Variants in TRIM2 observed in about 807,000 individuals in gnomAD.
TRIM2 encodes tripartite motif-containing protein 2.
In TRIM2, 20 loss-of-function variants were observed where a neutral mutation model predicts 75.2. The observed-to-expected ratio is 0.27, with a 90% CI of 0.19 to 0.39. The LOEUF (loss-of-function observed/expected upper bound fraction) is 0.39. Among genes scored for constraint, TRIM2 ranks in the 10% least tolerant of loss-of-function variants. The pLI is 1.00. For synonymous variants in TRIM2, 373 were observed against 388.3 expected (o/e 0.96, Z 0.46); for missense variants, 660 against 990.8 (o/e 0.67, Z 4.48).
In TRIM2 at chr4:153,217,317, T is replaced by C. The variant is rs78812587; in HGVS notation, c.30+12757T>C. ...TGCTGTCACTGAAATACAAAGTATA[T>C]GGGATTCAGAGAAAGAGGTCATTCT... On this transcript the variant is annotated intron_variant, in intron 1 of 11. Coordinates refer to ENST00000338700, the MANE Select transcript of TRIM2 (RefSeq NM_015271.5). Among the ~76,000 whole-genome samples the C allele has an allele frequency of 5.2e-4, 79 of 152,236 alleles. 3 individuals carry two copies. The East Asian group carries it at 0.013, about 25-fold the overall frequency.
intron 1 of TRIM2, among the ~76,000 whole-genome samples, chr4:153,169,541 C>G (rs1730637684): frequency 6.6e-6 from 1 of 151,888 alleles, no homozygotes; most frequent in Non-Finnish European, 1.5e-5. Context: ...ATTTTTTTGA[C>G]CTATCATTTT....
intron 3 of TRIM2, among the ~76,000 whole-genome samples, chr4:153,283,761 C>G (rs1242200030): frequency 1.3e-5 from 2 of 151,554 alleles, no homozygotes; most frequent in Non-Finnish European, 2.9e-5. Flanking sequence ...CTCAGCCTCC[C>G]AAGTAGCTGG....
At chr4:153,222,046 A>AGGG (rs1560836427) in intron 1 of TRIM2, among the ~76,000 whole-genome samples, 22 of 35,172 alleles carry the variant, frequency 6.3e-4, no homozygotes, top group South Asian at 1.8e-3. Flanking sequence ...AAGAGCGAGG[A>AGGG]AGGGAGGGAG....
intron 1 of TRIM2, among the ~76,000 whole-genome samples, chr4:153,175,485 C>G (rs952662844): frequency 1.3e-5 from 2 of 151,482 alleles, no homozygotes; most frequent in African/African-American, 4.9e-5. Context: ...TGGGAAACAG[C>G]GGGGGGAGGG....
At chr4:153,157,777 C>T (rs560451091) in intron 1 of TRIM2, among the ~76,000 whole-genome samples, 8 of 152,326 alleles carry the variant, frequency 5.3e-5, no homozygotes, top group South Asian at 4.1e-4. Flanking sequence ...TGCCTTGCTT[C>T]GAGCCACTAA....
At chr4:153,311,332 A>ATT (rs1181443998) in intron 6 of TRIM2, among the ~76,000 whole-genome samples, 6 of 151,224 alleles carry the variant, frequency 4.0e-5, no homozygotes, top group African/African-American at 1.5e-4. Context: ...CTAGTACTAA[A>ATT]GCACTATTTT....
Position 153,270,534 on chromosome 4 carries a change from T to C in TRIM2, c.215+15T>C, listed in dbSNP as rs1294208296. Reference sequence around the variant, plus strand: ...TTCTGCGAGAGGTAAGCCTCCTTTGTGCTTGGAGAAGGGAGTTTCGCAGGC... The same window carrying C: ...TTCTGCGAGAGGTAAGCCTCCTTTGCGCTTGGAGAAGGGAGTTTCGCAGGC... On this transcript the variant is annotated intron_variant, in intron 2 of 11. Transcript: ENST00000338700. 1 of 1,585,546 alleles carries C rather than the reference T, an allele frequency of 6.3e-7. No homozygotes were observed. Among genetic ancestry groups the C allele is most frequent in the Non-Finnish European group, 8.6e-7 (1 of 1,164,032 alleles).
intron 2 of TRIM2, 62 bp from the exon 3 acceptor site, chr4:153,275,831 G>A: frequency 6.9e-7 from 1 of 1,446,218 alleles, no homozygotes; most frequent in Non-Finnish European, 9.6e-7. Context: ...AACATGTATG[G>A]TACCTGTGAG....
chr4:153,301,156 A>G (rs1261834185), intron 6 of TRIM2, among the ~76,000 whole-genome samples: 1 of 151,356 alleles, frequency 6.6e-6, no homozygotes. Flanking sequence ...GCGCCACTAC[A>G]TTCCAGCCTG....
chr4:153,214,258 A>G (rs1225943886), intron 1 of TRIM2, among the ~76,000 whole-genome samples: 1 of 152,228 alleles, frequency 6.6e-6, no homozygotes. Context: ...TAAAAGTTAG[A>G]TAAGCCACTG....
chr4:153,191,481 C>A (rs1439161787), intron 1 of TRIM2, among the ~76,000 whole-genome samples: 1 of 152,204 alleles, frequency 6.6e-6, no homozygotes, highest in Non-Finnish European at 1.5e-5. Context: ...ATGAGGAACA[C>A]AGGTTACTTT....
At chr4:153,216,436 TC>T (rs1431741315) in intron 1 of TRIM2, among the ~76,000 whole-genome samples, 2 of 152,188 alleles carry the variant, frequency 1.3e-5, no homozygotes, top group East Asian at 1.9e-4. Context: ...ACTTCCTTAG[TC>T]CCTAGACTCC....
chr4:153,201,563 G>A (rs1437321130), upstream of TRIM2, among the ~76,000 whole-genome samples: 1 of 151,992 alleles, frequency 6.6e-6, no homozygotes, highest in African/African-American at 2.4e-5. Context: ...GTTATGTGCT[G>A]TGGTTTCTGA....
At chr4:153,235,786 A>T (rs1744875294) in intron 1 of TRIM2, among the ~76,000 whole-genome samples, 1 of 152,096 alleles carries the variant, frequency 6.6e-6, no homozygotes, top group Non-Finnish European at 1.5e-5. Flanking sequence ...TGATCAGATT[A>T]CCTTTTCCAC....
intron 3 of TRIM2, among the ~76,000 whole-genome samples, chr4:153,292,490 CTA>C (rs1207816155): frequency 6.6e-6 from 1 of 152,216 alleles, no homozygotes; most frequent in African/African-American, 2.4e-5. Flanking sequence ...CAGAGTCTCG[CTA>C]TGTTTCCCAG....
At chr4:153,198,254 C>T (rs1324037453) in intron 1 of TRIM2, among the ~76,000 whole-genome samples, 7 of 152,142 alleles carry the variant, frequency 4.6e-5, no homozygotes, top group African/African-American at 7.2e-5. Flanking sequence ...ACCCAAATCT[C>T]AACTTGAATT....
chr4:153,258,229 T>C (rs1358319807), intron 1 of TRIM2, among the ~76,000 whole-genome samples: 3 of 152,126 alleles, frequency 2.0e-5, no homozygotes, highest in Non-Finnish European at 2.9e-5. Flanking sequence ...TGGAAACCCA[T>C]TCATTCATAA....
intron 1 of TRIM2, among the ~76,000 whole-genome samples, chr4:153,181,919 A>G (rs1387980890): frequency 1.3e-5 from 2 of 152,156 alleles, no homozygotes; most frequent in African/African-American, 2.4e-5. Flanking sequence ...GGGCCTGGCA[A>G]TGGAACACTT....
chr4:153,175,012 GTT>G (rs759775802), intron 1 of TRIM2, among the ~76,000 whole-genome samples: 1 of 149,212 alleles, frequency 6.7e-6, no homozygotes, highest in Non-Finnish European at 1.5e-5. Flanking sequence ...TTTTTGTTTT[GTT>G]TTGTTTTTTT....
Sources: gnomAD v4.1 joint callset for allele counts (sites outside exome capture counted in the v4.1 genomes callset) on GRCh38, gnomAD v4.1.1 for gene constraint, MANE v1.5 for transcripts, NCBI Gene and HGNC (gene_info 2026-07-23, HGNC 2026-07-21) for gene names.